Variants in PPP2R2B observed in about 807,000 individuals in gnomAD.
The protein encoded by PPP2R2B is protein phosphatase 2 regulatory subunit Bbeta, also known as serine/threonine-protein phosphatase 2A 55 kDa regulatory subunit B beta isoform.
In PPP2R2B, 5 loss-of-function variants were observed where a neutral mutation model predicts 46.0. The observed-to-expected ratio is 0.11, with a 90% CI of 0.06 to 0.23. The LOEUF (loss-of-function observed/expected upper bound fraction) is 0.23. Among genes scored for constraint, PPP2R2B ranks in the 10% least tolerant of loss-of-function variants. The pLI is 1.00. For synonymous variants in PPP2R2B, 215 were observed against 206.7 expected, an observed-to-expected ratio of 1.04 and a Z score of -0.34; for missense variants, 367 against 575.0, an observed-to-expected ratio of 0.64 and a Z score of 3.70.
chr5:146,598,563 TA>T (rs1274993609), intron 8 of PPP2R2B, among the ~76,000 whole-genome samples: 2 of 152,194 alleles, frequency 1.3e-5, no homozygotes, highest in Non-Finnish European at 2.9e-5. Context: ...TTAATTGGCT[TA>T]ACAGAGCCAA....
At chr5:146,962,667 TA>T (rs1352921838) in intron 1 of PPP2R2B, among the ~76,000 whole-genome samples, 1 of 151,702 alleles carries the variant, frequency 6.6e-6, no homozygotes, top group East Asian at 1.9e-4. Flanking sequence ...AAAACAACCT[TA>T]AAGCAAAAAG....
At chr5:147,073,874 A>G (rs533133452) in intron 2 of PPP2R2B, among the ~76,000 whole-genome samples, 1 of 152,094 alleles carries the variant, frequency 6.6e-6, no homozygotes, top group East Asian at 1.9e-4. Context: ...CATCTTTACT[A>G]AAAATACAAA....
At chr5:146,970,324 G>A (rs1473394218) in intron 1 of PPP2R2B, among the ~76,000 whole-genome samples, 1 of 152,088 alleles carries the variant, frequency 6.6e-6, no homozygotes, top group African/African-American at 2.4e-5. Flanking sequence ...AGACCAGCCG[G>A]GTGCGGTGGT....
chr5:146,978,835 A>C (rs1468251280), intron 1 of PPP2R2B, among the ~76,000 whole-genome samples: 1 of 151,988 alleles, frequency 6.6e-6, no homozygotes, highest in East Asian at 1.9e-4. Flanking sequence ...TTTGCTTAGG[A>C]TTGTCTTGGT....
intron 5 of PPP2R2B, among the ~76,000 whole-genome samples, chr5:146,687,114 G>A (rs1778559005): frequency 6.6e-6 from 1 of 151,618 alleles, no homozygotes; most frequent in Admixed American, 6.6e-5. Flanking sequence ...GAGGGAGAGA[G>A]AGGGAGCGAT....
Position 146,832,881 on chromosome 5 carries a change from A to G in PPP2R2B, c.70+45121T>C, listed in dbSNP as rs556807975. Among the ~76,000 whole-genome samples, 31 of 152,114 alleles carry G rather than the reference A, an allele frequency of 2.0e-4. 1 individual carries two copies. In the South Asian group the frequency reaches 6.4e-3, roughly 32 times the overall value. On this transcript the variant is annotated intron_variant, in intron 2 of 9. Transcript: ENST00000394411. ...AGGCTATACCACCCCAGGTTTGTGT[A>G]AGTACACTCTGGTGTTCACACAAGG...
rs906422932 is a variant in PPP2R2B at position 147,016,567 on chromosome 5, A to C, written c.79+39098T>G. On this transcript the variant is annotated intron_variant, in intron 1 of 8. Coordinates refer to the PPP2R2B transcript ENST00000336640. ...GAGAAAACATAGGGGACACAGTCAC[A>C]TATACAGATACATTGTGGAATCAAT... is the stretch of plus-strand genomic sequence containing the variant. Among the ~76,000 whole-genome samples the C allele has an allele frequency of 5.9e-5, 9 of 151,868 alleles. 1 individual carries two copies. The highest frequency in any genetic ancestry group is 1.3e-4 in the Non-Finnish European group (9 of 68,050).
intron 1 of PPP2R2B, among the ~76,000 whole-genome samples, chr5:146,932,298 A>G (rs992370443): frequency 2.0e-5 from 3 of 152,126 alleles, no homozygotes; most frequent in African/African-American, 7.2e-5. Context: ...AAGATATTAA[A>G]TTGATATGGT....
intron 1 of PPP2R2B, among the ~76,000 whole-genome samples, chr5:146,963,633 A>AT (rs560010446): frequency 8.6e-5 from 13 of 152,004 alleles, no homozygotes; most frequent in Admixed American, 2.6e-4. Context: ...TCCTGTCTTC[A>AT]TTTTTTTTCC....
intron 2 of PPP2R2B, among the ~76,000 whole-genome samples, chr5:147,065,890 G>C (rs1395141146): frequency 1.3e-5 from 2 of 152,042 alleles, no homozygotes; most frequent in Admixed American, 1.3e-4. Context: ...TGAGCTAAAT[G>C]CCAACAAGCA....
intron 2 of PPP2R2B, among the ~76,000 whole-genome samples, chr5:146,709,783 C>T (rs1780114638): frequency 6.6e-6 from 1 of 152,198 alleles, no homozygotes; most frequent in South Asian, 2.1e-4. Context: ...TGTTGAACAA[C>T]TAAAACCTAC....
intron 1 of PPP2R2B, among the ~76,000 whole-genome samples, chr5:146,987,245 A>C (rs1323898495): frequency 1.3e-5 from 2 of 152,142 alleles, no homozygotes; most frequent in Non-Finnish European, 2.9e-5. Context: ...ACTTATAATA[A>C]ATACTAAGGT....
chr5:146,670,588 C>T (rs1051095348), intron 5 of PPP2R2B, among the ~76,000 whole-genome samples: 5 of 151,852 alleles, frequency 3.3e-5, no homozygotes, highest in East Asian at 1.9e-4. Flanking sequence ...CTCCGCCTCC[C>T]GAGTTCAAAC....
intron 5 of PPP2R2B, among the ~76,000 whole-genome samples, chr5:146,688,609 C>G (rs192743111): frequency 6.6e-6 from 1 of 152,136 alleles, no homozygotes; most frequent in Non-Finnish European, 1.5e-5. Context: ...AGCCACACCT[C>G]AGGGCCTCCT....
At chr5:147,064,027 G>T (rs1262961557) in intron 2 of PPP2R2B, among the ~76,000 whole-genome samples, 1 of 152,196 alleles carries the variant, frequency 6.6e-6, no homozygotes, top group Non-Finnish European at 1.5e-5. Flanking sequence ...TAAGGGGCCA[G>T]ATTTGCTCAT....
intron 1 of PPP2R2B, among the ~76,000 whole-genome samples, chr5:146,942,063 C>T (rs948749359): frequency 3.9e-5 from 6 of 152,124 alleles, no homozygotes; most frequent in Non-Finnish European, 8.8e-5. Flanking sequence ...CTTATGAGTA[C>T]AACAGTTATA....
chr5:146,961,810 G>T (rs1040656040), intron 1 of PPP2R2B, among the ~76,000 whole-genome samples: 10 of 151,950 alleles, frequency 6.6e-5, no homozygotes, highest in Non-Finnish European at 4.4e-5. Context: ...CCATGGAGGA[G>T]ATTTTTTTTC....
At position 146,582,804 on chromosome 5, in the gene PPP2R2B, A is replaced by G. The variant is rs1388667306; in HGVS notation, c.*7143T>C. On this transcript the variant is annotated 3_prime_UTR_variant, in exon 10 of 10. Transcript: ENST00000394411. ...AAGGGTGGTTGAGAAAGCATCTCTG[A>G]GGAGGTGACATTTGAGCTGAGTTTA... 1 of 152,232 alleles carries G rather than the reference A, an allele frequency of 6.6e-6. No individual in the cohort carries two copies. Among genetic ancestry groups the G allele is most frequent in the Middle Eastern group, 3.2e-3 (1 of 316 alleles). 9.4% of individuals were successfully genotyped at this position (152,232 alleles called of 1,614,324 possible).
intron 7 of PPP2R2B, among the ~76,000 whole-genome samples, chr5:146,608,983 C>G (rs1401582634): frequency 6.6e-6 from 1 of 152,100 alleles, no homozygotes; most frequent in East Asian, 1.9e-4. Flanking sequence ...ATCAAGAGAA[C>G]TATAAGCCAA....
Sources: gnomAD v4.1 joint callset for allele counts (sites outside exome capture counted in the v4.1 genomes callset) on GRCh38, gnomAD v4.1.1 for gene constraint, MANE v1.5 for transcripts, NCBI Gene and HGNC (gene_info 2026-07-23, HGNC 2026-07-21) for gene names.